SLC24A2: variants seen among roughly 807,000 people sequenced by gnomAD.
SLC24A2 encodes solute carrier family 24 member 2.
A neutral mutation model predicts 62.0 loss-of-function variants in SLC24A2; 36 were observed. That is an observed-to-expected ratio of 0.58 (90% CI 0.44 to 0.77). The LOEUF is 0.77. SLC24A2 is among the 30% of genes least tolerant of loss of function. The pLI is 0.00. For synonymous variants in SLC24A2, 358 were observed against 294.0 expected (o/e 1.22, Z -2.23); for missense variants, 846 against 817.9 (o/e 1.03, Z -0.42).
chr9:19,714,988 G>A (rs970121133), intron 2 of SLC24A2, among the ~76,000 whole-genome samples: 1 of 152,038 alleles, frequency 6.6e-6, no homozygotes, highest in African/African-American at 2.4e-5. Flanking sequence ...GAATTTATGT[G>A]AGAAGAAGTG....
At chr9:19,785,205 C>T (rs1349948646) in intron 2 of SLC24A2, among the ~76,000 whole-genome samples, 1 of 152,242 alleles carries the variant, frequency 6.6e-6, no homozygotes, top group Non-Finnish European at 1.5e-5. Context: ...CTGCTTTCCA[C>T]TCACCTAAGT....
intron 2 of SLC24A2, among the ~76,000 whole-genome samples, chr9:19,767,253 G>A (rs996231552): frequency 2.0e-5 from 3 of 152,334 alleles, no homozygotes; most frequent in Non-Finnish European, 4.4e-5. Context: ...GATCTGCTTA[G>A]CTAGACCACT....
At chr9:20,302,038 T>C in the SLC24A2 span, among the ~76,000 whole-genome samples, 1 of 152,228 alleles carries the variant, frequency 6.6e-6, no homozygotes, top group Non-Finnish European at 1.5e-5. Context: ...CTTAGTAATA[T>C]GCATTTAAGT....
At chr9:20,066,636 A>T in the SLC24A2 span, among the ~76,000 whole-genome samples, 1 of 152,192 alleles carries the variant, frequency 6.6e-6, no homozygotes, top group Non-Finnish European at 1.5e-5. Context: ...AAGCATAAAA[A>T]ATTTATGGAA....
the SLC24A2 span, among the ~76,000 whole-genome samples, chr9:20,297,487 G>A: frequency 6.6e-6 from 1 of 152,216 alleles, no homozygotes; most frequent in African/African-American, 2.4e-5. Flanking sequence ...CTGAAGAAGG[G>A]TTTGGCACGT....
rs112283106 is a variant in SLC24A2 at position 19,648,165 on chromosome 9, A to G, written c.931-25866T>C. Among the ~76,000 whole-genome samples, 147 of 152,338 alleles carry G rather than the reference A, an allele frequency of 9.6e-4. 3 individuals carry two copies. The highest frequency in any genetic ancestry group is 3.4e-3 in the African/African-American group (142 of 41,582). ...AGACTAACAACCCATTAAGGTAGATATTATTATCTTCATTAGCCACATGGG... is the reference window on the plus strand; with the variant it reads ...AGACTAACAACCCATTAAGGTAGATGTTATTATCTTCATTAGCCACATGGG... On this transcript the variant is annotated intron_variant, in intron 2 of 10. Coordinates refer to ENST00000341998, the MANE Select transcript of SLC24A2 (RefSeq NM_020344.4).
At chr9:19,560,879 T>TTGTGTGTGTGTG (rs779469797) in intron 7 of SLC24A2, among the ~76,000 whole-genome samples, 19 of 137,122 alleles carry the variant, frequency 1.4e-4, no homozygotes, top group African/African-American at 3.3e-4. Context: ...GTCTTTGCAT[T>TTGTGTGTGTGTG]TGTGTGTGTG....
At chr9:20,171,105 G>A in the SLC24A2 span, among the ~76,000 whole-genome samples, 1 of 151,904 alleles carries the variant, frequency 6.6e-6, no homozygotes, top group South Asian at 2.1e-4. Context: ...AGAATTTTGT[G>A]TCCAGCAAAA....
Position 19,786,028 on chromosome 9 carries a change from A to G in SLC24A2, c.839T>C (p.Met280Thr). The G allele has an allele frequency of 6.2e-7, 1 of 1,614,150 alleles. No homozygotes were observed. The highest frequency in any genetic ancestry group is 8.5e-7 in the Non-Finnish European group (1 of 1,179,964). ...TTTTTCTACTTGGACGTTGAATTTC[A>G]TGAAAACCACATAGCAAAAATAAGC... The part of the protein sequence containing the change: ...LTAYFCYVVF[M>T]KFNVQVEKWV... Residue 280 changes from methionine to threonine, a missense_variant, in exon 2 of 11, where the codon ATG (methionine) becomes ACG (threonine). Transcript: ENST00000341998. The surrounding 1 kb of genome is among the most constrained non-coding windows in gnomAD (Gnocchi z 5.0).
the SLC24A2 span, among the ~76,000 whole-genome samples, chr9:20,114,986 C>T: frequency 3.3e-5 from 5 of 151,922 alleles, no homozygotes; most frequent in Non-Finnish European, 5.9e-5. Flanking sequence ...CAAAGAAAGG[C>T]CAGAAGGTTG....
intron 7 of SLC24A2, among the ~76,000 whole-genome samples, chr9:19,557,274 A>G (rs1330833228): frequency 6.6e-6 from 1 of 152,196 alleles, no homozygotes; most frequent in African/African-American, 2.4e-5. Flanking sequence ...AAAGCTAGGT[A>G]TAGCAAACAT....
chr9:19,972,922 C>A, the SLC24A2 span, among the ~76,000 whole-genome samples: 4 of 152,100 alleles, frequency 2.6e-5, no homozygotes, highest in African/African-American at 9.7e-5. Context: ...ACTCTACCTG[C>A]CCACACTTGC....
chr9:19,630,032 G>C (rs1818137346), intron 2 of SLC24A2, among the ~76,000 whole-genome samples: 1 of 152,104 alleles, frequency 6.6e-6, no homozygotes, highest in Non-Finnish European at 1.5e-5. Context: ...CTGCATTTCA[G>C]AATAAATATG....
the SLC24A2 span, among the ~76,000 whole-genome samples, chr9:20,151,501 C>T: frequency 1.3e-5 from 2 of 151,852 alleles, no homozygotes; most frequent in Admixed American, 6.6e-5. Flanking sequence ...TCTGTAAGTG[C>T]TTCCTCAGAG....
the SLC24A2 span, among the ~76,000 whole-genome samples, chr9:20,280,699 G>A: frequency 6.6e-6 from 1 of 152,164 alleles, no homozygotes; most frequent in Non-Finnish European, 1.5e-5. Flanking sequence ...GGCTATGAAT[G>A]TAGCCTTATT....
the SLC24A2 span, among the ~76,000 whole-genome samples, chr9:20,282,516 C>T: frequency 6.6e-6 from 1 of 152,072 alleles, no homozygotes; most frequent in African/African-American, 2.4e-5. Context: ...GAGATTAATG[C>T]CCCAAATCAT....
At chr9:19,720,348 A>G (rs1820986476) in intron 2 of SLC24A2, among the ~76,000 whole-genome samples, 1 of 152,200 alleles carries the variant, frequency 6.6e-6, no homozygotes, top group South Asian at 2.1e-4. Context: ...GGCTTTGGGG[A>G]CATCACTTTG....
At chr9:20,191,039 T>G in the SLC24A2 span, among the ~76,000 whole-genome samples, 1 of 152,182 alleles carries the variant, frequency 6.6e-6, no homozygotes, top group African/African-American at 2.4e-5. Context: ...AACTTCAATA[T>G]TTGTGAATTG....
the SLC24A2 span, among the ~76,000 whole-genome samples, chr9:20,301,908 C>T: frequency 6.6e-6 from 1 of 152,178 alleles, no homozygotes; most frequent in Admixed American, 6.5e-5. Context: ...ATTCACCTCT[C>T]CCTCCTCGCT....
Sources: allele counts gnomAD v4.1 joint callset (sites outside exome capture counted in the v4.1 genomes callset), GRCh38; gene constraint gnomAD v4.1.1; non-coding constraint Gnocchi (gnomAD v3.1); transcripts MANE v1.5; gene names NCBI Gene and HGNC (gene_info 2026-07-23, HGNC 2026-07-21).